Variants in LIPA observed in about 807,000 individuals in gnomAD.
LIPA encodes lysosomal acid lipase/cholesteryl ester hydrolase.
Under a neutral mutation model 40.6 loss-of-function variants are expected in LIPA, and 26 were observed. That is an observed-to-expected ratio of 0.64 (90% CI 0.47 to 0.89). LIPA has a LOEUF of 0.89. Among genes scored for constraint, LIPA ranks in the 40% least tolerant of loss-of-function variants. The pLI, the probability that LIPA is intolerant of heterozygous loss-of-function variation, is 0.00. For synonymous variants in LIPA, 188 were observed against 168.4 expected, an observed-to-expected ratio of 1.12 and a Z score of -0.90; for missense variants, 455 against 479.6, an observed-to-expected ratio of 0.95 and a Z score of 0.48.
At chr10:89,264,851 G>T (rs1843227160) in intron 1 of LIPA, among the ~76,000 whole-genome samples, 1 of 152,202 alleles carries the variant, frequency 6.6e-6, no homozygotes, top group South Asian at 2.1e-4. Flanking sequence ...TGCTTCACTG[G>T]GACTGCCCCT....
chr10:89,279,859 G>A (rs944601546), intron 1 of LIPA, among the ~76,000 whole-genome samples: 1 of 152,140 alleles, frequency 6.6e-6, no homozygotes, highest in African/African-American at 2.4e-5. Flanking sequence ...AAGACATGGT[G>A]TGAAGCATCT....
intron 2 of LIPA, among the ~76,000 whole-genome samples, chr10:89,353,279 G>C (rs190241342): frequency 6.6e-6 from 1 of 152,324 alleles, no homozygotes. Context: ...TGTGCACTAA[G>C]AGGCAAAATG....
At chr10:89,248,438 TTTTA>T (rs1195601729) in intron 1 of LIPA, among the ~76,000 whole-genome samples, 9 of 45,018 alleles carry the variant, frequency 2.0e-4, no homozygotes, top group South Asian at 1.2e-3. Flanking sequence ...ATTATTATTA[TTTTA>T]TATTTATTTA....
chr10:89,405,616 C>A (rs1459306713), intron 2 of LIPA: 4 of 152,194 alleles, frequency 2.6e-5, no homozygotes, highest in Non-Finnish European at 5.9e-5. Context: ...AGGCAGATAG[C>A]CTTTTCCAGC....
In LIPA at chr10:89,251,743, C is replaced by A. The variant is rs1843126243; in HGVS notation, c.-8G>T. ...GCGGCGCCGGCACTCTCACCTGGAG[C>A]TGTCCTGCCGGGCCGCTGTCTCGAG... On this transcript the variant is annotated 5_prime_UTR_variant, in exon 1 of 10. Coordinates refer to ENST00000336233, the MANE Select transcript of LIPA (RefSeq NM_000235.4). 1 of 152,396 alleles carries A rather than the reference C, an allele frequency of 6.6e-6. No individual in the cohort carries two copies. Among genetic ancestry groups the A allele is most frequent in the Non-Finnish European group, 1.5e-5 (1 of 68,184 alleles). 9.4% of individuals were successfully genotyped at this position (152,396 alleles called of 1,614,324 possible).
At chr10:89,393,037 C>T in intron 2 of LIPA, 4 of 855,076 alleles carry the variant, frequency 4.7e-6, no homozygotes, top group South Asian at 3.4e-5. Flanking sequence ...TCTTTCCCAT[C>T]AGATTCACTT....
At chr10:89,323,816 A>C (rs904035928) in intron 1 of LIPA, among the ~76,000 whole-genome samples, 3 of 152,230 alleles carry the variant, frequency 2.0e-5, no homozygotes, top group Non-Finnish European at 4.4e-5. Flanking sequence ...GCTCATGGAT[A>C]GGAAGAATCG....
intron 1 of LIPA, chr10:89,339,361 A>G (rs763258991): frequency 6.2e-7 from 1 of 1,613,812 alleles, no homozygotes; most frequent in East Asian, 2.2e-5. Context: ...AGCCTTGGAA[A>G]AGTCTCCTTG....
intron 1 of LIPA, among the ~76,000 whole-genome samples, chr10:89,257,449 A>T (rs74759547): frequency 0.051 from 7,794 of 152,280 alleles, 667 homozygotes; most frequent in African/African-American, 0.17. Flanking sequence ...AAAGACAGAA[A>T]CAATACTAAT....
In LIPA at chr10:89,279,662, C is replaced by A. The variant is rs1380850680; in HGVS notation, c.-1-32013G>T. ...GAGAAAGTAATAGGAAAATATAAAC[C>A]CACAAACAAAAAGTGACCTTCCCAT... On this transcript the variant is annotated intron_variant, in intron 1 of 5. Coordinates refer to the LIPA transcript ENST00000282673. Among the ~76,000 whole-genome samples, 3 of 152,034 alleles carry A rather than the reference C, an allele frequency of 2.0e-5. No homozygotes were observed. In the East Asian group the frequency reaches 5.8e-4, roughly 29 times the overall value.
intron 1 of LIPA, among the ~76,000 whole-genome samples, chr10:89,317,584 C>T (rs1245996194): frequency 6.6e-6 from 1 of 152,160 alleles, no homozygotes; most frequent in Non-Finnish European, 1.5e-5. Context: ...ACCAAACATA[C>T]ATCTGACTGG....
intron 1 of LIPA, among the ~76,000 whole-genome samples, chr10:89,269,575 C>A (rs1433021105): frequency 6.6e-6 from 1 of 152,008 alleles, no homozygotes; most frequent in Non-Finnish European, 1.5e-5. Flanking sequence ...TGAAGTCAAC[C>A]ATATAATACT....
upstream of LIPA, among the ~76,000 whole-genome samples, chr10:89,347,474 G>T (rs1040298222): frequency 2.6e-5 from 4 of 152,206 alleles, no homozygotes; most frequent in African/African-American, 9.6e-5. Context: ...GTTCCCTGAT[G>T]TTAGCCAAGG....
At chr10:89,293,679 T>TGAGAGAGAGAGAGAGAGAGA (rs72229492) in intron 1 of LIPA, 1 of 145,106 alleles carries the variant, frequency 6.9e-6, no homozygotes, top group African/African-American at 2.6e-5. Flanking sequence ...CTGTGTGAGA[T>TGAGAGAGAGAGAGAGAGAGA]GAGAGAGAGA....
At chr10:89,234,216 T>C (rs1012152435) in intron 3 of LIPA, among the ~76,000 whole-genome samples, 1 of 152,178 alleles carries the variant, frequency 6.6e-6, no homozygotes, top group Non-Finnish European at 1.5e-5. Context: ...ATGGGACCAG[T>C]GTGCACATGA....
At chr10:89,379,240 C>T (rs1000440631) in intron 2 of LIPA, among the ~76,000 whole-genome samples, 1 of 151,978 alleles carries the variant, frequency 6.6e-6, no homozygotes, top group Non-Finnish European at 1.5e-5. Context: ...AAGTGTGGTC[C>T]CCTGACTAGC....
At chr10:89,378,180 A>T in intron 2 of LIPA, 11 of 1,611,290 alleles carry the variant, frequency 6.8e-6, no homozygotes, top group Non-Finnish European at 9.3e-6. Context: ...ATTTCTGCAC[A>T]CTTTGAAATT....
chr10:89,384,433 G>A (rs1203859939), intron 2 of LIPA: 1 of 1,614,212 alleles, frequency 6.2e-7, no homozygotes, highest in Non-Finnish European at 8.5e-7. Context: ...GATCTTTGAA[G>A]ATCAGCTAAA....
intron 1 of LIPA, among the ~76,000 whole-genome samples, chr10:89,283,500 C>CCTAG (rs1482910415): frequency 6.6e-6 from 1 of 152,166 alleles, no homozygotes; most frequent in Non-Finnish European, 1.5e-5. Context: ...CGGAATCCAC[C>CCTAG]CTAGTCCTGT....
Sources: gnomAD v4.1 joint callset for allele counts (sites outside exome capture counted in the v4.1 genomes callset) on GRCh38, gnomAD v4.1.1 for gene constraint, MANE v1.5 for transcripts, NCBI Gene and HGNC (gene_info 2026-07-23, HGNC 2026-07-21) for gene names.